Variants in FRMD5 observed in about 807,000 individuals in gnomAD.
FRMD5 encodes the protein FERM domain containing 5, also known as FERM domain-containing protein 5.
In FRMD5, 20 loss-of-function variants were observed where a neutral mutation model predicts 69.0. The observed-to-expected ratio is 0.29, with a 90% CI of 0.20 to 0.42. The LOEUF (loss-of-function observed/expected upper bound fraction) is 0.42. Ranked by LOEUF, FRMD5 falls within the 10% of genes least tolerant of loss-of-function variation. FRMD5 has a pLI of 1.00. For synonymous variants in FRMD5, 271 were observed against 260.1 expected (o/e 1.04, Z -0.40); for missense variants, 595 against 708.6 (o/e 0.84, Z 1.82).
intron 1 of FRMD5, among the ~76,000 whole-genome samples, chr15:44,133,760 G>C (rs1253116191): frequency 6.6e-6 from 1 of 151,872 alleles, no homozygotes; most frequent in Admixed American, 6.6e-5. Context: ...GGAAAAAGAA[G>C]AAGAAGCCTA....
At chr15:44,183,214 G>C (rs138714520) in intron 1 of FRMD5, among the ~76,000 whole-genome samples, 6 of 152,132 alleles carry the variant, frequency 3.9e-5, no homozygotes, top group South Asian at 2.1e-4. Flanking sequence ...AGTGAGAAAA[G>C]GTGCATACAG....
intron 1 of FRMD5, among the ~76,000 whole-genome samples, chr15:44,027,639 G>GTTTTTT (rs767882395): frequency 7.4e-5 from 2 of 27,048 alleles, no homozygotes; most frequent in Non-Finnish European, 1.8e-4. Context: ...TTCTTTTCTA[G>GTTTTTT]TTTTTTTTTT....
chr15:43,892,720 T>A (rs1054694931), intron 7 of FRMD5, among the ~76,000 whole-genome samples: 1 of 152,236 alleles, frequency 6.6e-6, no homozygotes, highest in East Asian at 1.9e-4. Flanking sequence ...GAAAACATTA[T>A]GCCAAGTGAA....
intron 1 of FRMD5, among the ~76,000 whole-genome samples, chr15:44,117,439 G>A (rs1174046297): frequency 6.6e-6 from 1 of 152,142 alleles, no homozygotes; most frequent in Non-Finnish European, 1.5e-5. Context: ...GAGTTGGGGA[G>A]GACAAGATGA....
chr15:43,879,716 C>A, intron 13 of FRMD5: 1 of 398,968 alleles, frequency 2.5e-6, no homozygotes, highest in Non-Finnish European at 4.4e-6. Context: ...ACCAGCTGAT[C>A]TCTTCAGAGA....
chr15:44,180,746 C>G (rs1032244414), intron 1 of FRMD5, among the ~76,000 whole-genome samples: 7 of 152,120 alleles, frequency 4.6e-5, no homozygotes, highest in Non-Finnish European at 7.3e-5. Context: ...GATCCTGCTA[C>G]TGCACTCCAG....
chr15:43,897,071 C>T (rs1342662907), intron 7 of FRMD5, among the ~76,000 whole-genome samples: 4 of 152,104 alleles, frequency 2.6e-5, no homozygotes, highest in African/African-American at 7.2e-5. Flanking sequence ...GGAAACTGCA[C>T]CAGGTGGCTT....
chr15:43,927,919 A>G (rs867899990), intron 1 of FRMD5, among the ~76,000 whole-genome samples: 2 of 152,170 alleles, frequency 1.3e-5, no homozygotes, highest in Non-Finnish European at 2.9e-5. Flanking sequence ...CCTGCCTTTC[A>G]TAAAACAACT....
intron 1 of FRMD5, among the ~76,000 whole-genome samples, chr15:44,076,579 C>G (rs1278741000): frequency 7.0e-6 from 1 of 142,596 alleles, no homozygotes; most frequent in Non-Finnish European, 1.5e-5. Flanking sequence ...ACTATGAGAT[C>G]ACATGGACAC....
intron 1 of FRMD5, among the ~76,000 whole-genome samples, chr15:43,990,593 CATT>C (rs1343024252): frequency 1.3e-5 from 2 of 152,128 alleles, no homozygotes; most frequent in Non-Finnish European, 2.9e-5. Flanking sequence ...TTTGGTCTCA[CATT>C]AGTGTGCAAA....
intron 1 of FRMD5, among the ~76,000 whole-genome samples, chr15:44,108,789 C>CACCT (rs1373117733): frequency 6.6e-6 from 1 of 151,896 alleles, no homozygotes; most frequent in Admixed American, 6.6e-5. Context: ...CACAGTGAGA[C>CACCT]ACCTCTACCA....
At chr15:43,952,115 G>C (rs2090045797) in intron 1 of FRMD5, among the ~76,000 whole-genome samples, 1 of 151,630 alleles carries the variant, frequency 6.6e-6, no homozygotes, top group African/African-American at 2.4e-5. Context: ...CCTAGGAGGG[G>C]TAAAAAACAA....
At chr15:44,042,878 T>C (rs1431733743) in intron 1 of FRMD5, among the ~76,000 whole-genome samples, 1 of 152,222 alleles carries the variant, frequency 6.6e-6, no homozygotes, top group Non-Finnish European at 1.5e-5. Flanking sequence ...AAGACAAGGA[T>C]AGCCTCTCTC....
At chr15:43,973,080 T>G (rs577729073) in intron 1 of FRMD5, among the ~76,000 whole-genome samples, 2 of 152,172 alleles carry the variant, frequency 1.3e-5, no homozygotes, top group Admixed American at 1.3e-4. Context: ...TGGAGTGCAG[T>G]GGCGCGATCT....
At chr15:43,980,922 A>T (rs2090538579) in intron 1 of FRMD5, among the ~76,000 whole-genome samples, 1 of 152,110 alleles carries the variant, frequency 6.6e-6, no homozygotes, top group South Asian at 2.1e-4. Flanking sequence ...CTACCTATAA[A>T]ATTGTGACTC....
chr15:44,131,767 G>A (rs556080791), intron 1 of FRMD5, among the ~76,000 whole-genome samples: 1 of 108,510 alleles, frequency 9.2e-6, no homozygotes, highest in African/African-American at 2.9e-5. Context: ...ACAGTAGAAC[G>A]GTGGTTGCCA....
chr15:44,101,647 T>G (rs1203161682), intron 1 of FRMD5: 2 of 152,494 alleles, frequency 1.3e-5, no homozygotes, highest in African/African-American at 4.8e-5. Flanking sequence ...AAACATAAGA[T>G]GATGAGTACT....
chr15:44,001,414 T>A (rs2140174796), intron 1 of FRMD5, among the ~76,000 whole-genome samples: 1 of 152,326 alleles, frequency 6.6e-6, no homozygotes, highest in South Asian at 2.1e-4. Flanking sequence ...TAATTTGATG[T>A]AGCCCTACTT....
chr15:43,879,442 G>T (rs1452155600), intron 13 of FRMD5: 1 of 398,676 alleles, frequency 2.5e-6, no homozygotes, highest in Non-Finnish European at 4.4e-6. Flanking sequence ...GATGGGATGG[G>T]TGCCGTGGGA....
Sources: gnomAD v4.1 joint callset for allele counts (sites outside exome capture counted in the v4.1 genomes callset) on GRCh38, gnomAD v4.1.1 for gene constraint, MANE v1.5 for transcripts, NCBI Gene and HGNC (gene_info 2026-07-23, HGNC 2026-07-21) for gene names.